The following NSMF variants were observed in gnomAD, a reference collection of about 807,000 sequenced individuals.
NSMF encodes the protein nasal embryonic LHRH factor.
In NSMF, 31 loss-of-function variants were observed where a neutral mutation model predicts 71.0. The observed-to-expected ratio is 0.44, with a 90% confidence interval of 0.33 to 0.59. NSMF has a LOEUF of 0.59. Among genes scored for constraint, NSMF ranks in the 20% least tolerant of loss-of-function variants. The pLI, the probability that NSMF is intolerant of heterozygous loss-of-function variation, is 0.04. For missense variants in NSMF, 673 were observed against 740.5 expected (o/e 0.91, Z 1.06); for synonymous variants, 345 against 287.1 (o/e 1.20, Z -2.04).
At chr9:137,452,624 T>C (rs775349962) in intron 10 of NSMF, 38 bp from the exon 11 acceptor site, 5 of 1,612,392 alleles carry the variant, frequency 3.1e-6, no homozygotes, top group Non-Finnish European at 4.2e-6. Flanking sequence ...ACATCAAGGC[T>C]GCGTCAGAGC....
intron 11 of NSMF, 40 bp downstream of exon 11, chr9:137,452,513 G>A (rs765170600): frequency 3.2e-5 from 51 of 1,612,372 alleles, no homozygotes; most frequent in Non-Finnish European, 4.2e-5. Flanking sequence ...GCCCCTCCCA[G>A]GCCTGGAACC....
chr9:137,451,822 A>G (rs1012763195), intron 12 of NSMF, among the ~76,000 whole-genome samples: 1 of 4,856 alleles, frequency 2.1e-4, no homozygotes, highest in Non-Finnish European at 3.6e-4. Flanking sequence ...CTTCCCCTTC[A>G]TTTCCCCCCC....
rs1367080977 is a variant in NSMF at position 137,449,765 on chromosome 9, T to G, written c.1420-91A>C. 1.1e-5 allele frequency: 15 copies of G among 1,363,776 alleles called. No individual in the cohort carries two copies. In the East Asian group the frequency reaches 3.6e-4, roughly 33 times the overall value. 84.5% of individuals were successfully genotyped at this position (1,363,776 alleles called of 1,614,324 possible). On this transcript the variant is annotated intron_variant, in intron 14 of 15. Coordinates refer to ENST00000371475, the MANE Select transcript of NSMF (RefSeq NM_001130969.3). Reference sequence around the variant, plus strand: ...GGGGAGCAGGGCCCACCCTCTTTTTTCAGACCCCCCAAACCTGGCTGGGCT... The same window carrying G: ...GGGGAGCAGGGCCCACCCTCTTTTTGCAGACCCCCCAAACCTGGCTGGGCT...
In NSMF at chr9:137,453,583, T is replaced by G; in HGVS notation, c.922+148A>C. On this transcript the variant is annotated intron_variant, in intron 8 of 15. Transcript: ENST00000371475. This position sits in a 1 kb window ranked among gnomAD's most constrained non-coding sequence, Gnocchi z 4.5. ...GCCCCGCCTTTGCGATCGGAGATGC[T>G]GAGGGCGTCCCCATCTCACAAACAG... 8 of 661,942 alleles carry G rather than the reference T, an allele frequency of 1.2e-5. No individual in the cohort carries two copies. Among genetic ancestry groups the G allele is most frequent in the Non-Finnish European group, 2.0e-5 (8 of 394,322 alleles). The allele number at this position is 661,942 out of a possible 1,614,324, so 41.0% of individuals were successfully genotyped here.
Position 137,450,157 on chromosome 9 carries a change from A to T in NSMF, c.1316+19T>A. On this transcript the variant is annotated intron_variant, in intron 13 of 15. Transcript: ENST00000371475. ...TCTGCCTCCAGCCCTCCCCGCGCCCAGGGCACCCGGCTTCTCACTGAATCA... is the reference window on the plus strand; with the variant it reads ...TCTGCCTCCAGCCCTCCCCGCGCCCTGGGCACCCGGCTTCTCACTGAATCA... 6.2e-7 allele frequency: 1 copy of T among 1,612,166 alleles called. No homozygotes were observed. The highest frequency in any genetic ancestry group is 2.2e-5 in the East Asian group (1 of 44,864).
chr9:137,456,568 T>G, intron 3 of NSMF, 82 bp from the exon 4 acceptor site: 2 of 947,410 alleles, frequency 2.1e-6, no homozygotes, highest in South Asian at 1.3e-5. Context: ...AGCAGATGCT[T>G]CTGGGTCCAG....
chr9:137,454,014 C>T (rs1352394737), intron 7 of NSMF, among the ~76,000 whole-genome samples, 194 bp from the exon 8 acceptor site: 1 of 151,600 alleles, frequency 6.6e-6, no homozygotes, highest in Non-Finnish European at 1.5e-5. Flanking sequence ...TGGGGCAGGG[C>T]CAGAGGCGGA....
intron 2 of NSMF, 22 bp from the exon 3 acceptor site, chr9:137,457,923 C>A: frequency 6.5e-7 from 1 of 1,538,416 alleles, no homozygotes; most frequent in Non-Finnish European, 8.7e-7. Context: ...ACTGAGTGAG[C>A]CTGCCTGCCG....
intron 1 of NSMF, 128 bp downstream of exon 1, chr9:137,458,904 G>A (rs1309820163): frequency 9.9e-6 from 7 of 707,942 alleles, no homozygotes; most frequent in African/African-American, 1.9e-5. Flanking sequence ...GGCGCGGGGC[G>A]CGGGGAGGGC....
Position 137,455,057 on chromosome 9 carries a change from T to C in NSMF, c.779+182A>G, listed in dbSNP as rs117257929. 2.9e-3 allele frequency: 2,212 copies of C among 757,778 alleles called. 4 individuals carry two copies. The highest frequency in any genetic ancestry group is 3.7e-3 in the Non-Finnish European group (1,546 of 421,766). The allele number at this position is 757,778 out of a possible 1,614,324, so 46.9% of individuals were successfully genotyped here. ...TGCCCTCGGAGTGCAGGACTGAGGGTGAGATGCTTTCCTGCAGCCCGGGCC... is the reference window on the plus strand; with the variant it reads ...TGCCCTCGGAGTGCAGGACTGAGGGCGAGATGCTTTCCTGCAGCCCGGGCC... On this transcript the variant is annotated intron_variant, in intron 6 of 15. Transcript: ENST00000371475.
chr9:137,454,367 C>A (rs759342686), intron 7 of NSMF, 24 bp downstream of exon 7: 16 of 1,548,498 alleles, frequency 1.0e-5, no homozygotes, highest in Middle Eastern at 1.8e-4. Context: ...GCCGCCCCCC[C>A]ACCCCCGCCG....
Sources: allele counts gnomAD v4.1 joint callset (sites outside exome capture counted in the v4.1 genomes callset), GRCh38; gene constraint gnomAD v4.1.1; non-coding constraint Gnocchi (gnomAD v3.1); transcripts MANE v1.5; gene names NCBI Gene and HGNC (gene_info 2026-07-23, HGNC 2026-07-21).